Variants in ABCD2 observed in about 807,000 individuals in gnomAD.
ABCD2 encodes ATP-binding cassette sub-family D member 2.
Under a neutral mutation model 70.9 loss-of-function variants are expected in ABCD2, and 36 were observed. The observed-to-expected ratio is 0.51, with a 90% confidence interval of 0.39 to 0.67. The LOEUF is 0.67. Among genes scored for constraint, ABCD2 ranks in the 30% least tolerant of loss-of-function variants. The pLI, the probability that ABCD2 is intolerant of heterozygous loss-of-function variation, is 0.00. For missense variants in ABCD2, 729 were observed against 890.2 expected (o/e 0.82, Z 2.30); for synonymous variants, 304 against 306.9 (o/e 0.99, Z 0.10).
At chr12:39,614,497 C>A (rs374935007) in intron 2 of ABCD2, among the ~76,000 whole-genome samples, 1 of 151,936 alleles carries the variant, frequency 6.6e-6, no homozygotes, top group Admixed American at 6.6e-5. Context: ...CTTTTTCCCC[C>A]CTCTACTTCA....
intron 8 of ABCD2, among the ~76,000 whole-genome samples, chr12:39,576,454 C>T (rs1390052977): frequency 6.6e-6 from 1 of 152,030 alleles, no homozygotes; most frequent in African/African-American, 2.4e-5. Context: ...CCACCGCGCC[C>T]GGGATCAAGC....
At chr12:39,531,572 A>G in the ABCD2 span, among the ~76,000 whole-genome samples, 1 of 152,266 alleles carries the variant, frequency 6.6e-6, no homozygotes, top group East Asian at 1.9e-4. Context: ...GGAGTTTTTA[A>G]TCTGCTCTCT....
rs1256801345 is a variant in ABCD2, at chr12:39,553,278, A to G, written c.*634T>C. On this transcript the variant is annotated 3_prime_UTR_variant, in exon 10 of 10. Coordinates refer to ENST00000308666, the MANE Select transcript of ABCD2 (RefSeq NM_005164.4). ...ATATTTAAGATTTGTACTAAAATTA[A>G]TTTGTTATATGCCCTCATTAAGATG... is the stretch of plus-strand genomic sequence containing the variant. The G allele has an allele frequency of 1.3e-5, 2 of 152,066 alleles. No individual in the cohort carries two copies. The highest frequency in any genetic ancestry group is 2.4e-5 in the African/African-American group (1 of 41,442). The allele number at this position is 152,066 out of a possible 1,614,324, so 9.4% of individuals were successfully genotyped here.
chr12:39,601,441 TGGA>T (rs1941896009), intron 5 of ABCD2, among the ~76,000 whole-genome samples: 1 of 151,858 alleles, frequency 6.6e-6, no homozygotes, highest in Non-Finnish European at 1.5e-5. Flanking sequence ...TCTTATCTAT[TGGA>T]TGCTTCCCTT....
Position 39,572,279 on chromosome 12 carries a change from T to C in ABCD2, c.2003+1437A>G, listed in dbSNP as rs556785730. ...TAATATGTCCCAACATGTGATTAATTTGGGAGAAAGTCTGGAAATCAAGGT... is the reference window on the plus strand; with the variant it reads ...TAATATGTCCCAACATGTGATTAATCTGGGAGAAAGTCTGGAAATCAAGGT... On this transcript the variant is annotated intron_variant, in intron 9 of 9. Transcript: ENST00000308666. 6.6e-5 allele frequency among the ~76,000 whole-genome samples: 10 copies of C among 152,198 alleles called. No homozygotes were observed. The East Asian group carries it at 1.9e-3, about 29-fold the overall frequency.
intron 6 of ABCD2, among the ~76,000 whole-genome samples, chr12:39,594,434 T>C (rs145702473): frequency 5.4e-4 from 82 of 152,298 alleles, no homozygotes; most frequent in African/African-American, 1.9e-3. Flanking sequence ...AGATGCTCAA[T>C]CCTGGTTCAG....
intron 2 of ABCD2, among the ~76,000 whole-genome samples, chr12:39,612,605 T>C (rs1331385152): frequency 6.6e-6 from 1 of 152,240 alleles, no homozygotes; most frequent in African/African-American, 2.4e-5. Context: ...TTGGCATATA[T>C]GCTATACTTT....
chr12:39,550,564 A>C lies in ABCD2; in HGVS notation c.*3348T>G, dbSNP rs963536738. ...GTAGTCAGGAAAAGCATCAACAATG[A>C]AGAAGAAATTGGTTTTTAAAAAAAT... On this transcript the variant is annotated 3_prime_UTR_variant, in exon 10 of 10. Coordinates refer to ENST00000308666, the MANE Select transcript of ABCD2 (RefSeq NM_005164.4). 1.3e-5 allele frequency: 2 copies of C among 151,798 alleles called. No individual in the cohort carries two copies. Among genetic ancestry groups the C allele is most frequent in the East Asian group, 1.9e-4 (1 of 5,200 alleles). 9.4% of individuals were successfully genotyped at this position (151,798 alleles called of 1,614,324 possible). A position where few individuals can be genotyped will look rare whatever the true frequency, so the allele number is the denominator to read the frequency against.
chr12:39,583,551 T>G (rs1352304889), intron 7 of ABCD2, among the ~76,000 whole-genome samples: 1 of 152,228 alleles, frequency 6.6e-6, no homozygotes, highest in Non-Finnish European at 1.5e-5. Flanking sequence ...TGGGGGCACA[T>G]GTGAAGTTTT....
chr12:39,556,838 G>C (rs1941173710), intron 9 of ABCD2, among the ~76,000 whole-genome samples: 2 of 152,054 alleles, frequency 1.3e-5, no homozygotes, highest in Admixed American at 6.5e-5. Context: ...ACAAAAATTA[G>C]CTGGGCGTGA....
intron 4 of ABCD2, among the ~76,000 whole-genome samples, chr12:39,604,278 C>T (rs1941940604): frequency 6.6e-6 from 1 of 151,788 alleles, no homozygotes; most frequent in Non-Finnish European, 1.5e-5. Flanking sequence ...CAAAGCTATA[C>T]AATCTGAAAT....
At position 39,607,587 on chromosome 12, in the gene ABCD2, A is replaced by C. The variant is rs771639618; in HGVS notation, c.1236+12T>G. The C allele has an allele frequency of 6.5e-7, 1 of 1,546,506 alleles. No homozygotes were observed. The highest frequency in any genetic ancestry group is 8.8e-7 in the Non-Finnish European group (1 of 1,132,364). On this transcript the variant is annotated intron_variant, in intron 3 of 9. Coordinates refer to ENST00000308666, the MANE Select transcript of ABCD2 (RefSeq NM_005164.4). ...TTATTTTAATTGAATTGACAATAAG[A>C]AATGCAAGTACCTCTTTGTATGAAG...
At chr12:39,584,697 T>C (rs1941641868) in intron 7 of ABCD2, among the ~76,000 whole-genome samples, 1 of 152,148 alleles carries the variant, frequency 6.6e-6, no homozygotes, top group Non-Finnish European at 1.5e-5. Flanking sequence ...TTTTTGTATA[T>C]GGTATAAAGA....
At chr12:39,576,575 C>T (rs1247430235) in intron 8 of ABCD2, among the ~76,000 whole-genome samples, 3 of 152,120 alleles carry the variant, frequency 2.0e-5, no homozygotes, top group Non-Finnish European at 4.4e-5. Context: ...TTTAGCTAGC[C>T]ATATTCTTAA....
rs1942126399 is a variant in ABCD2, at chr12:39,617,122, T to C, written c.986A>G (p.Gln329Arg). ...ACGTTTGGATAAAATGAGGTTCATC[T>C]GATCTGCTAAAGCTTTGTAACTTTT... ...LQKSYKALAD[Q>R]MNLILSKRLW... The change falls in exon 2 of 10, where the codon CAG (glutamine) becomes CGG (arginine). Residue 329 changes from glutamine to arginine, a missense_variant. Physicochemically the swap from Gln to Arg is conservative, Grantham distance 43 (BLOSUM62 1). This residue lies in a region of ABCD2 where 195 missense variants were observed against 300.2 expected (regional missense o/e 0.65). Transcript: ENST00000308666. The C allele has an allele frequency of 3.7e-6, 6 of 1,611,728 alleles. No individual in the cohort carries two copies. The highest frequency in any genetic ancestry group is 5.1e-6 in the Non-Finnish European group (6 of 1,178,902).
At position 39,553,850 on chromosome 12, in the gene ABCD2, G is replaced by C; in HGVS notation, c.*62C>G. The stretch of plus-strand genomic sequence containing the variant: ...TGCTTAGCTTAACATACTTCATGCA[G>C]TATAACAGAATGTCTTTGAGCCTTT... On this transcript the variant is annotated 3_prime_UTR_variant, in exon 10 of 10. Coordinates refer to ENST00000308666, the MANE Select transcript of ABCD2 (RefSeq NM_005164.4). 3 of 1,247,446 alleles carry C rather than the reference G, an allele frequency of 2.4e-6. No homozygotes were observed. In the Admixed American group the frequency reaches 6.2e-5, roughly 26 times the overall value. The allele number at this position is 1,247,446 out of a possible 1,614,324, so 77.3% of individuals were successfully genotyped here.
chr12:39,542,234 C>T, the ABCD2 span, among the ~76,000 whole-genome samples: 305 of 152,108 alleles, frequency 2.0e-3, no homozygotes, highest in African/African-American at 5.9e-3. Flanking sequence ...GAGGCCAAGG[C>T]GGGCGGATCA....
At chr12:39,601,044 A>C (rs1170151806) in intron 5 of ABCD2, among the ~76,000 whole-genome samples, 7 of 152,150 alleles carry the variant, frequency 4.6e-5, no homozygotes, top group Non-Finnish European at 1.0e-4. Context: ...ATAAAAATTT[A>C]ACTAAAAATA....
In ABCD2 at chr12:39,619,025, G is replaced by A. The variant is rs771267920; in HGVS notation, c.591C>T (p.Ile197=). The change falls in exon 1 of 10, where the codon ATC becomes ATT. Residue 197 remains isoleucine, a synonymous_variant. Transcript: ENST00000308666. The part of the protein sequence containing the change: ...YFTNQTYYKV[I]NMDGRLANPD... ...GGTTTGCCAGCCTCCCATCCATATTGATCACTTTATAATAAGTCTGATTTG... is the reference window on the plus strand; with the variant it reads ...GGTTTGCCAGCCTCCCATCCATATTAATCACTTTATAATAAGTCTGATTTG... 6 of 1,614,158 alleles carry A rather than the reference G, an allele frequency of 3.7e-6. No individual in the cohort carries two copies. The Admixed American group carries it at 5.0e-5, about 13-fold the overall frequency.
Sources: allele counts gnomAD v4.1 joint callset (sites outside exome capture counted in the v4.1 genomes callset), GRCh38; gene constraint gnomAD v4.1.1; regional missense constraint gnomAD v4.1.1; transcripts MANE v1.5; gene names NCBI Gene and HGNC (gene_info 2026-07-23, HGNC 2026-07-21).